Variants in CBLB observed in about 807,000 individuals in gnomAD.
CBLB encodes Cbl proto-oncogene B.
In CBLB, 31 loss-of-function variants were observed where a neutral mutation model predicts 104.9. That is an observed-to-expected ratio of 0.30 (90% CI 0.22 to 0.40). CBLB has a LOEUF of 0.40. Ranked by LOEUF, CBLB falls within the 10% of genes least tolerant of loss-of-function variation. The probability of loss-of-function intolerance (pLI) is 1.00; values close to 1 mark genes in which losing one functional copy is unlikely to be tolerated. For synonymous variants in CBLB, 440 were observed against 422.6 expected, an observed-to-expected ratio of 1.04 and a Z score of -0.51; for missense variants, 1,062 against 1,214.6, an observed-to-expected ratio of 0.87 and a Z score of 1.87.
intron 3 of CBLB, among the ~76,000 whole-genome samples, chr3:105,839,991 C>G (rs910639964): frequency 2.0e-5 from 3 of 152,166 alleles, no homozygotes; most frequent in Middle Eastern, 3.2e-3. Flanking sequence ...TGAGACCCAG[C>G]TGACCAGGAT....
rs185848686 is a variant in CBLB, at chr3:105,741,612, G to A, written c.846-981C>T. On this transcript the variant is annotated intron_variant, in intron 6 of 18. Coordinates refer to ENST00000394030, the MANE Select transcript of CBLB (RefSeq NM_170662.5). Reference sequence around the variant, plus strand: ...GGGGTTCACCGTGTTAGCCAGGATGGTCTCGATCTCCTGACCTGGTGATCT... The same window carrying A: ...GGGGTTCACCGTGTTAGCCAGGATGATCTCGATCTCCTGACCTGGTGATCT... Among the ~76,000 whole-genome samples the A allele has an allele frequency of 2.6e-5, 4 of 152,284 alleles. No homozygotes were observed. In the East Asian group the frequency reaches 7.7e-4, roughly 29 times the overall value.
Position 105,867,688 on chromosome 3 carries a change from T to TC in CBLB, c.-14-98dup. The TC allele has an allele frequency of 2.8e-6, 3 of 1,067,608 alleles. No homozygotes were observed. In the South Asian group the frequency reaches 4.0e-5, roughly 14 times the overall value. The allele number at this position is 1,067,608 out of a possible 1,614,324, so 66.1% of individuals were successfully genotyped here. A position where few individuals can be genotyped will look rare whatever the true frequency, so the allele number is the denominator to read the frequency against. On this transcript the variant is annotated intron_variant, in intron 1 of 18. Coordinates refer to ENST00000394030, the MANE Select transcript of CBLB (RefSeq NM_170662.5). ...ACTAACTTGTACCACTGCATCTTCC[T>TC]CCATCGATTAGAGCAAAACCAAAAG...
In CBLB at chr3:105,841,560, C is replaced by T. The variant is rs1054107472; in HGVS notation, c.419+11854G>A. 7.8e-4 allele frequency among the ~76,000 whole-genome samples: 118 copies of T among 151,942 alleles called. 1 individual carries two copies. The highest frequency in any genetic ancestry group is 2.9e-4 in the Non-Finnish European group (20 of 67,980). ...CTCCGCCTCCCGGATTCACGCCATTCTCCTGCCTCAGCCTCCCGAGTAGCT... is the reference window on the plus strand; with the variant it reads ...CTCCGCCTCCCGGATTCACGCCATTTTCCTGCCTCAGCCTCCCGAGTAGCT... On this transcript the variant is annotated intron_variant, in intron 3 of 18. Transcript: ENST00000394030.
At chr3:105,863,724 C>A (rs1304226506) in intron 2 of CBLB, among the ~76,000 whole-genome samples, 2 of 152,106 alleles carry the variant, frequency 1.3e-5, no homozygotes, top group Non-Finnish European at 2.9e-5. Flanking sequence ...GGGCAAAAGG[C>A]AGGAAAAGCC....
chr3:105,665,577 T>C (rs772222064), intron 18 of CBLB, among the ~76,000 whole-genome samples: 14 of 147,102 alleles, frequency 9.5e-5, no homozygotes, highest in Non-Finnish European at 1.6e-4. Flanking sequence ...CCATATTATA[T>C]AACCATATAT....
At chr3:105,670,981 T>G (rs145165761) in intron 17 of CBLB, 1 of 173,356 alleles carries the variant, frequency 5.8e-6, no homozygotes, top group Non-Finnish European at 1.2e-5. Context: ...TGCCATTTAG[T>G]AATTAACATT....
intron 9 of CBLB, among the ~76,000 whole-genome samples, chr3:105,724,522 A>C (rs190059423): frequency 4.5e-4 from 68 of 152,288 alleles, no homozygotes; most frequent in African/African-American, 1.6e-3. Flanking sequence ...AGATAAAATG[A>C]GATAAATTAG....
chr3:105,869,057 C>T, upstream of CBLB: 3 of 288,930 alleles, frequency 1.0e-5, no homozygotes, highest in South Asian at 2.6e-5. Flanking sequence ...CGGGGCGGGG[C>T]GGGGCGGGGG....
chr3:105,818,923 G>A (rs2153053387), intron 3 of CBLB, among the ~76,000 whole-genome samples: 1 of 152,236 alleles, frequency 6.6e-6, no homozygotes, highest in Non-Finnish European at 1.5e-5. Context: ...GCTACATGAG[G>A]AAGCAAAACT....
chr3:105,796,253 C>A (rs2082246735), intron 3 of CBLB, among the ~76,000 whole-genome samples: 1 of 151,988 alleles, frequency 6.6e-6, no homozygotes, highest in Admixed American at 6.6e-5. Context: ...GATACAAAGG[C>A]CAATGGAACA....
At chr3:105,696,071 C>T (rs974620136) in intron 12 of CBLB, among the ~76,000 whole-genome samples, 1 of 151,274 alleles carries the variant, frequency 6.6e-6, no homozygotes, top group Non-Finnish European at 1.5e-5. Flanking sequence ...TATATACATA[C>T]ATACATATAT....
intron 18 of CBLB, among the ~76,000 whole-genome samples, chr3:105,669,476 G>A (rs1419146592): frequency 6.6e-6 from 1 of 152,066 alleles, no homozygotes; most frequent in Non-Finnish European, 1.5e-5. Flanking sequence ...TGCTGTTTAG[G>A]CAATCCAGTC....
chr3:105,861,385 T>C (rs1023898107), intron 2 of CBLB, among the ~76,000 whole-genome samples: 2 of 152,202 alleles, frequency 1.3e-5, no homozygotes, highest in African/African-American at 2.4e-5. Flanking sequence ...TTAAACATTA[T>C]AAATATTATG....
intron 10 of CBLB, among the ~76,000 whole-genome samples, chr3:105,717,332 C>CA (rs1162086653): frequency 6.6e-6 from 1 of 152,146 alleles, no homozygotes; most frequent in East Asian, 1.9e-4. Flanking sequence ...TGTTGTATCT[C>CA]AAATACTTTT....
rs2305036 is a variant in CBLB, at chr3:105,720,113, T to G, written c.1341A>C (p.Leu447=). Reference sequence around the variant, plus strand: ...CACGATCATCATCGTCGTCCAAGTCTAGCATCGGCATGCCAAAGGGGTCAA... The same window carrying G: ...CACGATCATCATCGTCGTCCAAGTCGAGCATCGGCATGCCAAAGGGGTCAA... ...SIIDPFGMPM[L]DLDDDDDREE... Residue 447 remains leucine (L), a synonymous_variant, in exon 10 of 19, where the codon CTA becomes CTC. Coordinates refer to ENST00000394030, the MANE Select transcript of CBLB (RefSeq NM_170662.5). 353,245 of 1,613,332 alleles carry G rather than the reference T, an allele frequency of 0.22. 39,901 individuals are homozygous for G. Among genetic ancestry groups the G allele is most frequent in the Admixed American group, 0.3 (18,052 of 59,962 alleles).
At chr3:105,813,243 AT>A (rs2084543292) in intron 3 of CBLB, among the ~76,000 whole-genome samples, 2 of 152,162 alleles carry the variant, frequency 1.3e-5, no homozygotes, top group Non-Finnish European at 2.9e-5. Context: ...AGGAAGTCAA[AT>A]TAACTAGATC....
chr3:105,855,383 T>C (rs948811552), intron 2 of CBLB, among the ~76,000 whole-genome samples: 3 of 152,126 alleles, frequency 2.0e-5, no homozygotes, highest in African/African-American at 4.8e-5. Context: ...TTCTGAAAAT[T>C]TGCTAAGAGA....
At chr3:105,660,193 C>T (rs150198418) in intron 18 of CBLB, among the ~76,000 whole-genome samples, 22 of 152,154 alleles carry the variant, frequency 1.4e-4, no homozygotes, top group African/African-American at 3.9e-4. Flanking sequence ...ACACACTATA[C>T]GTATACATGA....
intron 11 of CBLB, among the ~76,000 whole-genome samples, chr3:105,703,027 A>C (rs1253996104): frequency 6.6e-6 from 1 of 152,230 alleles, no homozygotes; most frequent in African/African-American, 2.4e-5. Context: ...GCAGCACTAC[A>C]TATGGAATTA....
Sources: allele counts gnomAD v4.1 joint callset (sites outside exome capture counted in the v4.1 genomes callset), GRCh38; gene constraint gnomAD v4.1.1; transcripts MANE v1.5; gene names NCBI Gene and HGNC (gene_info 2026-07-23, HGNC 2026-07-21).